The following ZNF487 variants were observed in gnomAD, a reference collection of about 807,000 sequenced individuals.
ZNF487 encodes the protein KRAB domain only 1.
A neutral mutation model predicts 3.0 loss-of-function variants in ZNF487; 4 were observed. The ratio of observed to expected loss-of-function variants is 1.35; its 90% confidence interval spans 0.66 to 3.08. The LOEUF (loss-of-function observed/expected upper bound fraction) is 3.08, where lower values mean the gene tolerates loss of function less well. Ranked by LOEUF, ZNF487 falls within the 30% of genes most tolerant of loss-of-function variation. The pLI, the probability that ZNF487 is intolerant of heterozygous loss-of-function variation, is 0.01. For missense variants in ZNF487, 146 were observed against 98.7 expected, an observed-to-expected ratio of 1.48 and a Z score of -2.03; for synonymous variants, 55 against 34.6, an observed-to-expected ratio of 1.59 and a Z score of -2.06.
chr10:43,459,841 G>A (rs924662170), intron 1 of ZNF487, among the ~76,000 whole-genome samples: 3 of 150,094 alleles, frequency 2.0e-5, no homozygotes, highest in Admixed American at 6.7e-5. Flanking sequence ...TCGCTCTGTC[G>A]TCCAGGCTGG....
At chr10:43,498,899 G>A in the ZNF487 span, among the ~76,000 whole-genome samples, 6 of 149,624 alleles carry the variant, frequency 4.0e-5, no homozygotes, top group East Asian at 7.9e-4. Context: ...CCGAGATCGC[G>A]CCACTGCACT....
chr10:43,500,355 G>A, the ZNF487 span, among the ~76,000 whole-genome samples: 1 of 151,888 alleles, frequency 6.6e-6, no homozygotes, highest in African/African-American at 2.4e-5. Context: ...GAGTGCAGGA[G>A]ATCAAGGCTG....
the ZNF487 span, among the ~76,000 whole-genome samples, chr10:43,509,783 G>GTT: frequency 4.7e-3 from 714 of 152,056 alleles, 6 homozygotes; most frequent in African/African-American, 0.017. Flanking sequence ...TGACTCAAAT[G>GTT]TTAATCTTCT....
the ZNF487 span, among the ~76,000 whole-genome samples, chr10:43,498,315 G>C: frequency 7.3e-6 from 1 of 137,004 alleles, no homozygotes; most frequent in Admixed American, 7.5e-5. Flanking sequence ...TGGAGTCTCT[G>C]TTGCCCAGGC....
downstream of ZNF487, among the ~76,000 whole-genome samples, chr10:43,486,033 T>G (rs1015351180): frequency 6.6e-6 from 1 of 152,186 alleles, no homozygotes; most frequent in Non-Finnish European, 1.5e-5. Flanking sequence ...TGAGAAAGTG[T>G]GATTAATGGT....
At chr10:43,522,485 G>A in the ZNF487 span, among the ~76,000 whole-genome samples, 1 of 152,182 alleles carries the variant, frequency 6.6e-6, no homozygotes, top group Admixed American at 6.5e-5. Flanking sequence ...TGTAATCTCT[G>A]CACTTTGAGA....
In ZNF487 at chr10:43,454,993, G is replaced by A. The variant is rs142243807; in HGVS notation, c.-94+17731G>A. Among the ~76,000 whole-genome samples the A allele has an allele frequency of 3.7e-3, 536 of 144,384 alleles. 2 individuals carry two copies. Among genetic ancestry groups the A allele is most frequent in the African/African-American group, 0.013 (513 of 39,396 alleles). 94.7% of individuals were successfully genotyped at this position (144,384 alleles called of 152,430 possible). A position where few individuals can be genotyped will look rare whatever the true frequency, so the allele number is the denominator to read the frequency against. On this transcript the variant is annotated intron_variant, in intron 1 of 3. Transcript: ENST00000437590. ...GGATACGAGGCTGTGTGTGATAGTC[G>A]TTTTCTTTTAGTTTGCACTTTTTTT...
rs571244087 is a variant in ZNF487, at chr10:43,473,387, CTATT to C, written c.-93-2331_-93-2328del. Among the ~76,000 whole-genome samples the C allele has an allele frequency of 2.1e-4, 32 of 152,148 alleles. No homozygotes were observed. The South Asian group carries it at 6.2e-3, about 30-fold the overall frequency. On this transcript the variant is annotated intron_variant, in intron 1 of 3. Coordinates refer to ENST00000437590, the MANE Select transcript of ZNF487 (RefSeq NM_001355444.3). ...GAGCCACCGCGCCTGGCGTAGGACA[CTATT>C]TAACTCTGTTTTGGGACTTTTTCTT... is the stretch of plus-strand genomic sequence containing the variant.
At chr10:43,487,929 CA>C (rs76705594), downstream of ZNF487, among the ~76,000 whole-genome samples, 894 of 40,434 alleles carry the variant, frequency 0.022, 4 homozygotes, top group Middle Eastern at 0.043. Flanking sequence ...TACCAAAATA[CA>C]AAAAAAAAAA....
chr10:43,478,016 T>C (rs1211494737), intron 3 of ZNF487, among the ~76,000 whole-genome samples: 1 of 151,794 alleles, frequency 6.6e-6, no homozygotes, highest in Non-Finnish European at 1.5e-5. Context: ...CTGGAAACTC[T>C]TAAGTGAAAA....
At chr10:43,465,191 C>T (rs1346144860) in intron 1 of ZNF487, among the ~76,000 whole-genome samples, 2 of 146,062 alleles carry the variant, frequency 1.4e-5, no homozygotes, top group Non-Finnish European at 3.0e-5. Context: ...GGGCGGGGGG[C>T]TGACCCCCCC....
chr10:43,499,857 C>T, the ZNF487 span, among the ~76,000 whole-genome samples: 2 of 151,846 alleles, frequency 1.3e-5, no homozygotes, highest in African/African-American at 2.4e-5. Context: ...AATCTGTTGT[C>T]TTTCTAAGCA....
the ZNF487 span, among the ~76,000 whole-genome samples, chr10:43,515,912 C>T: frequency 2.0e-5 from 3 of 152,234 alleles, no homozygotes; most frequent in East Asian, 3.9e-4. Context: ...GTAGCTGGGA[C>T]TACAGGGCGC....
rs185655922 is a variant in ZNF487, at chr10:43,450,106, C to T, written c.-94+12844C>T. On this transcript the variant is annotated intron_variant, in intron 1 of 3. Transcript: ENST00000437590. ...TTGCCCGGGCTGGAGTGCAATGGCACGTTCTTGGCTCACTGCAACCTCCGC... is the reference window on the plus strand; with the variant it reads ...TTGCCCGGGCTGGAGTGCAATGGCATGTTCTTGGCTCACTGCAACCTCCGC... Among the ~76,000 whole-genome samples, 138 of 151,496 alleles carry T rather than the reference C, an allele frequency of 9.1e-4. 1 individual carries two copies. Among genetic ancestry groups the T allele is most frequent in the East Asian group, 2.0e-3 (10 of 5,098 alleles).
chr10:43,442,262 C>CA (rs1247948885), intron 1 of ZNF487, among the ~76,000 whole-genome samples: 7 of 146,384 alleles, frequency 4.8e-5, no homozygotes, highest in African/African-American at 1.8e-4. Context: ...ACAACAACAA[C>CA]AACAACAAAA....
intron 1 of ZNF487, among the ~76,000 whole-genome samples, chr10:43,471,432 C>T (rs557378713): frequency 5.5e-4 from 83 of 152,282 alleles, no homozygotes; most frequent in African/African-American, 2.0e-3. Flanking sequence ...GCTCAGTTGG[C>T]CCCTTGTCTC....
chr10:43,513,720 T>A, the ZNF487 span, among the ~76,000 whole-genome samples: 1 of 152,330 alleles, frequency 6.6e-6, no homozygotes, highest in African/African-American at 2.4e-5. Context: ...ATGCCAATTA[T>A]GCATTCTGGC....
chr10:43,490,453 A>G, the ZNF487 span, among the ~76,000 whole-genome samples: 1 of 140,798 alleles, frequency 7.1e-6, no homozygotes, highest in East Asian at 2.1e-4. Context: ...TGTTTTGCTT[A>G]TCTTAGTTCT....
the ZNF487 span, among the ~76,000 whole-genome samples, chr10:43,497,013 A>C: frequency 6.6e-6 from 1 of 152,094 alleles, no homozygotes; most frequent in Non-Finnish European, 1.5e-5. Context: ...CTCATAGCTG[A>C]GTGTTCTTGG....
Sources: allele counts gnomAD v4.1 joint callset (sites outside exome capture counted in the v4.1 genomes callset), GRCh38; gene constraint gnomAD v4.1.1; transcripts MANE v1.5; gene names NCBI Gene and HGNC (gene_info 2026-07-23, HGNC 2026-07-21).